Variants in ADAM8 observed in about 807,000 individuals in gnomAD.
The protein encoded by ADAM8 is ADAM metallopeptidase domain 8.
Under a neutral mutation model 102.4 loss-of-function variants are expected in ADAM8, and 104 were observed. The observed-to-expected ratio is 1.02, with a 90% CI of 0.87 to 1.20. The LOEUF (loss-of-function observed/expected upper bound fraction) is 1.20, where lower values mean the gene tolerates loss of function less well. Among genes scored for constraint, ADAM8 ranks in the 50% most tolerant of loss-of-function variants. The pLI is 0.00. For synonymous variants in ADAM8, 517 were observed against 485.2 expected (o/e 1.07, Z -0.86); for missense variants, 1,132 against 1,159.0 (o/e 0.98, Z 0.34).
At chr10:133,270,602 G>A (rs1013549389) in intron 15 of ADAM8, 92 bp from the exon 16 acceptor site, 13 of 1,542,766 alleles carry the variant, frequency 8.4e-6, no homozygotes, top group African/African-American at 8.2e-5. Context: ...CCCACAACAC[G>A]GTGCGCTTGA....
In ADAM8 at chr10:133,276,855, G is replaced by A; in HGVS notation, c.-38C>T. 1.3e-6 allele frequency: 2 copies of A among 1,512,184 alleles called. No individual in the cohort carries two copies. The highest frequency in any genetic ancestry group is 1.8e-6 in the Non-Finnish European group (2 of 1,134,920). 93.7% of individuals were successfully genotyped at this position (1,512,184 alleles called of 1,614,324 possible). Reference sequence around the variant, plus strand: ...GAGCAGAGGCGGAGGTGACAGCCCCGCGGGACACGGTCTGGTTCCTGCGCT... The same window carrying A: ...GAGCAGAGGCGGAGGTGACAGCCCCACGGGACACGGTCTGGTTCCTGCGCT... On this transcript the variant is annotated 5_prime_UTR_variant, in exon 1 of 23. Coordinates refer to ENST00000445355, the MANE Select transcript of ADAM8 (RefSeq NM_001109.5).
chr10:133,271,781 G>C (rs773483242), intron 11 of ADAM8, 25 bp downstream of exon 11: 116 of 1,605,030 alleles, frequency 7.2e-5, no homozygotes, highest in Non-Finnish European at 9.1e-5. Flanking sequence ...GCATACCCTG[G>C]CTCTGCAGGG....
intron 21 of ADAM8, among the ~76,000 whole-genome samples, chr10:133,265,069 C>T (rs1162650419): frequency 1.3e-4 from 17 of 133,808 alleles, no homozygotes; most frequent in African/African-American, 4.9e-4. Context: ...CCACGCCCAG[C>T]TCCTGCTGCA....
At chr10:133,274,130 G>A in intron 3 of ADAM8, 29 bp downstream of exon 3, 1 of 1,583,502 alleles carries the variant, frequency 6.3e-7, no homozygotes, top group Non-Finnish European at 8.6e-7. Context: ...CCAGGCCCGG[G>A]CAGGGGGGCC....
chr10:133,264,003 C>A, intron 21 of ADAM8: 1 of 405,132 alleles, frequency 2.5e-6, no homozygotes, highest in Admixed American at 4.5e-5. Flanking sequence ...CCCAGTACAC[C>A]ATCCACATCC....
At chr10:133,269,856 A>G in intron 17 of ADAM8, 41 bp downstream of exon 17, 4 of 1,601,984 alleles carry the variant, frequency 2.5e-6, no homozygotes, top group Non-Finnish European at 3.4e-6. Context: ...TCAGAGCGGC[A>G]GCCTCTGTGC....
intron 2 of ADAM8, among the ~76,000 whole-genome samples, chr10:133,274,520 A>C (rs1470854061): frequency 1.8e-5 from 1 of 55,160 alleles, no homozygotes; most frequent in African/African-American, 7.3e-5. Context: ...TGGAGGGTGG[A>C]GGGTAGGGAA....
chr10:133,272,569 T>C lies in ADAM8; in HGVS notation c.722A>G (p.Asn241Ser), dbSNP rs143275708. 1,996 of 1,610,360 alleles carry C rather than the reference T, an allele frequency of 1.2e-3. 1 individual carries two copies. The highest frequency in any genetic ancestry group is 1.5e-3 in the Non-Finnish European group (1,806 of 1,179,022). The change falls in exon 9 of 23, where the codon AAC becomes AGC. Residue 241 changes from asparagine to serine, a missense_variant. Coordinates refer to ENST00000445355, the MANE Select transcript of ADAM8 (RefSeq NM_001109.5). ...CAGGCCCACCAGGACCACACGGAAG[T>C]TGAGTTTCTGATATAGCTGGAGAGG... ...NHVDKLYQKL[N>S]FRVVLVGLEI...
At position 133,272,709 on chromosome 10, in the gene ADAM8, C is replaced by G. The variant is rs1039770878; in HGVS notation, c.705+89G>C. On this transcript the variant is annotated intron_variant, in intron 8 of 22. Transcript: ENST00000445355. ...GGCCAGGCACAGGTGCGGGGCAGAGCTGGAGCAGGTGGAATGAACCCTGTG... is the reference window on the plus strand; with the variant it reads ...GGCCAGGCACAGGTGCGGGGCAGAGGTGGAGCAGGTGGAATGAACCCTGTG... The G allele has an allele frequency of 3.9e-6, 6 of 1,532,108 alleles. No individual in the cohort carries two copies. In the South Asian group the frequency reaches 7.4e-5, roughly 19 times the overall value. 94.9% of individuals were successfully genotyped at this position (1,532,108 alleles called of 1,614,324 possible).
rs1322155186 is a variant in ADAM8, at chr10:133,272,477, G to A, written c.814C>T (p.Leu272=). 6.2e-7 allele frequency: 1 copy of A among 1,611,990 alleles called. No individual in the cohort carries two copies. Among genetic ancestry groups the A allele is most frequent in the Admixed American group, 1.7e-5 (1 of 59,962 alleles). ...PDPSVTLENL[L]TWQARQRTRR... is the part of the protein sequence containing the mutation. ...GTCCGTTGCCGTGCCTGCCAGGTCAGGAGGTTCTCCAGTGTGACACTGGGG... is the reference window on the plus strand; with the variant it reads ...GTCCGTTGCCGTGCCTGCCAGGTCAAGAGGTTCTCCAGTGTGACACTGGGG... The change falls in exon 9 of 23, where the codon CTG becomes TTG. Residue 272 remains leucine, a synonymous_variant. Transcript: ENST00000445355.
chr10:133,269,541 G>C lies in ADAM8; in HGVS notation c.1864-12C>G, dbSNP rs753419976. 1 of 1,585,788 alleles carries C rather than the reference G, an allele frequency of 6.3e-7. No individual in the cohort carries two copies. The highest frequency in any genetic ancestry group is 8.5e-7 in the Non-Finnish European group (1 of 1,172,174). On this transcript the variant is annotated splice_polypyrimidine_tract_variant and intron_variant, in intron 17 of 22. Coordinates refer to ENST00000445355, the MANE Select transcript of ADAM8 (RefSeq NM_001109.5). ...TTGTGGTTGCACACCTGCGGGGACGGCTGGGCTCAGGGCCAACCCTGTTGT... is the reference window on the plus strand; with the variant it reads ...TTGTGGTTGCACACCTGCGGGGACGCCTGGGCTCAGGGCCAACCCTGTTGT...
At chr10:133,267,880 G>T (rs541520961) in intron 20 of ADAM8, 49 bp downstream of exon 20, 6 of 1,254,248 alleles carry the variant, frequency 4.8e-6, no homozygotes, top group African/African-American at 3.1e-5. Context: ...GCAGGATGGG[G>T]CCTGGGCACT....
intron 20 of ADAM8, among the ~76,000 whole-genome samples, 175 bp from the exon 21 acceptor site, chr10:133,267,592 T>C (rs902471016): frequency 1.1e-4 from 17 of 152,352 alleles, no homozygotes; most frequent in African/African-American, 3.8e-4. Flanking sequence ...CTCAGCCGTG[T>C]GATCCCGAGC....
Position 133,270,441 on chromosome 10 carries a change from C to A in ADAM8, c.1704G>T (p.Val568=). 6.2e-7 allele frequency: 1 copy of A among 1,606,628 alleles called. No individual in the cohort carries two copies. The highest frequency in any genetic ancestry group is 8.5e-7 in the Non-Finnish European group (1 of 1,174,992). The change falls in exon 16 of 23, where the codon GTG becomes GTT. Residue 568 remains valine, a synonymous_variant. Coordinates refer to ENST00000445355, the MANE Select transcript of ADAM8 (RefSeq NM_001109.5). ...QQPLGRAICI[V]DVCHALTTED... The stretch of plus-strand genomic sequence containing the variant: ...CTGTGGTGAGCGCGTGGCACACATC[C>A]ACGATGCAGATGGCACGCCCCAGGG...
intron 9 of ADAM8, 50 bp from the exon 10 acceptor site, chr10:133,272,324 T>TACCAA: frequency 2.1e-6 from 3 of 1,430,738 alleles, no homozygotes; most frequent in Non-Finnish European, 2.8e-6. Context: ...CCTCCCCACT[T>TACCAA]CCCTCCCACC....
At chr10:133,265,759 C>G (rs1490034724) in intron 21 of ADAM8, among the ~76,000 whole-genome samples, 1 of 151,696 alleles carries the variant, frequency 6.6e-6, no homozygotes, top group Non-Finnish European at 1.5e-5. Context: ...GATCGCGCCA[C>G]TGCACTCCAG....
At chr10:133,273,136 C>T in intron 6 of ADAM8, 117 bp from the exon 7 acceptor site, 1 of 1,588,170 alleles carries the variant, frequency 6.3e-7, no homozygotes, top group Non-Finnish European at 8.6e-7. Context: ...CGTGGCCAGG[C>T]CTGCTCCAGG....
chr10:133,269,898 C>T lies in ADAM8; in HGVS notation c.1862G>A (p.Gly621Glu), dbSNP rs758062646. The T allele has an allele frequency of 6.2e-7, 1 of 1,612,576 alleles. No individual in the cohort carries two copies. Among genetic ancestry groups the T allele is most frequent in the African/African-American group, 1.3e-5 (1 of 74,946 alleles). The change falls in exon 17 of 23, where the codon GGG becomes GAG. Residue 621 changes from glycine (G) to glutamate (E), a missense_variant and splice_region_variant. Transcript: ENST00000445355. ...CCTGTCCCGAGAGGCCACACATACC[C>T]CATGGTTGTGGCACTGGGCAGAGCA... ...SNCSAQCHNH[G>E]VCNHKQECHC...
In ADAM8 at chr10:133,271,230, A is replaced by C; in HGVS notation, c.1344T>G (p.Cys448Trp). Residue 448 changes from cysteine (C) to tryptophan (W), a missense_variant, in exon 13 of 23, where the codon TGT (cysteine) becomes TGG (tryptophan). Transcript: ENST00000445355. ...ACTCCTGGCAGCAGGTACCGTGCGC[A>C]CACTGGGCCCCCTCAGCCAGCTGGC... is the stretch of plus-strand genomic sequence containing the variant. Reference protein sequence around the residue: ...TTCQLAEGAQCAHGTCCQECK... With the variant: ...TTCQLAEGAQWAHGTCCQECK... 3 of 1,611,872 alleles carry C rather than the reference A, an allele frequency of 1.9e-6. No homozygotes were observed. Among genetic ancestry groups the C allele is most frequent in the Non-Finnish European group, 1.7e-6 (2 of 1,179,772 alleles).
Sources: gnomAD v4.1 joint callset for allele counts (sites outside exome capture counted in the v4.1 genomes callset) on GRCh38, gnomAD v4.1.1 for gene constraint, MANE v1.5 for transcripts, NCBI Gene and HGNC (gene_info 2026-07-23, HGNC 2026-07-21) for gene names.